PXT1: variants seen among roughly 807,000 people sequenced by gnomAD.
PXT1 encodes peroxisomal testis-specific protein 1.
Under a neutral mutation model 11.0 loss-of-function variants are expected in PXT1, and 11 were observed. That is an observed-to-expected ratio of 1.00 (90% CI 0.63 to 1.66). The LOEUF (loss-of-function observed/expected upper bound fraction) is 1.66, where lower values mean the gene tolerates loss of function less well. Among genes scored for constraint, PXT1 ranks in the 40% most tolerant of loss-of-function variants. The probability of loss-of-function intolerance (pLI) is 0.00; values close to 1 mark genes in which losing one functional copy is unlikely to be tolerated. For missense variants in PXT1, 141 were observed against 155.5 expected (o/e 0.91, Z 0.49); for synonymous variants, 43 against 51.4 (o/e 0.84, Z 0.70).
At chr6:36,425,615 T>C (rs1490342391) in intron 3 of PXT1, among the ~76,000 whole-genome samples, 1 of 151,776 alleles carries the variant, frequency 6.6e-6, no homozygotes, top group Admixed American at 6.6e-5. Context: ...TGAAACCCCC[T>C]CTCTACTAAA....
rs1774599313 is a variant in PXT1 at position 36,425,937 on chromosome 6, A to G, written c.146T>C (p.Val49Ala). 6.5e-7 allele frequency: 1 copy of G among 1,535,106 alleles called. No homozygotes were observed. The highest frequency in any genetic ancestry group is 8.7e-7 in the Non-Finnish European group (1 of 1,146,324). The stretch of plus-strand genomic sequence containing the variant: ...ACCTGGGTTCCTTGACATGGCTGGA[A>G]CTGGCTGGGAGCTGACAAGTTGGGT... ...YMTQLVSSQPVPAMSRNPDHN... is the reference protein window; with the variant it reads ...YMTQLVSSQPAPAMSRNPDHN... Residue 49 changes from valine to alanine, a missense_variant, in exon 3 of 5, where the codon GTT (valine) becomes GCT (alanine). Physicochemically the swap from Val to Ala is moderately conservative, Grantham distance 64. Transcript: ENST00000454782.
At chr6:36,411,085 A>G (rs1399457744) in intron 3 of PXT1, among the ~76,000 whole-genome samples, 3 of 152,346 alleles carry the variant, frequency 2.0e-5, no homozygotes, top group Middle Eastern at 3.4e-3. Context: ...ATATTTCAAC[A>G]GCATTATTTA....
intron 3 of PXT1, among the ~76,000 whole-genome samples, chr6:36,410,034 G>A (rs1401761013): frequency 6.6e-6 from 1 of 151,566 alleles, no homozygotes; most frequent in Non-Finnish European, 1.5e-5. Context: ...AAGGAAGGGA[G>A]GGTGGCTGGG....
chr6:36,410,835 T>C (rs1774362701), intron 3 of PXT1, among the ~76,000 whole-genome samples: 1 of 152,112 alleles, frequency 6.6e-6, no homozygotes, highest in African/African-American at 2.4e-5. Context: ...GAGTCTCCAT[T>C]TGGGAGAGTC....
Position 36,391,763 on chromosome 6 carries a change from T to C in PXT1, c.*7A>G. 1.3e-6 allele frequency: 2 copies of C among 1,595,330 alleles called. No homozygotes were observed. The highest frequency in any genetic ancestry group is 8.6e-7 in the Non-Finnish European group (1 of 1,163,440). On this transcript the variant is annotated 3_prime_UTR_variant, in exon 5 of 5. Transcript: ENST00000454782. Reference sequence around the variant, plus strand: ...CAGAACTTGACCACTTGACCTTTACTTTCCTTTTACAGCAAATGGTTGTTC... The same window carrying C: ...CAGAACTTGACCACTTGACCTTTACCTTCCTTTTACAGCAAATGGTTGTTC...
intron 3 of PXT1, among the ~76,000 whole-genome samples, chr6:36,410,574 G>C (rs1404651043): frequency 6.6e-6 from 1 of 151,138 alleles, no homozygotes; most frequent in Non-Finnish European, 1.5e-5. Flanking sequence ...AGAGAAGAAA[G>C]GAAGAAATAA....
intron 2 of PXT1, among the ~76,000 whole-genome samples, chr6:36,437,072 G>A (rs911733496): frequency 1.3e-5 from 2 of 152,104 alleles, no homozygotes; most frequent in African/African-American, 4.8e-5. Context: ...GATCACTTGA[G>A]GTTAGGAGTT....
chr6:36,433,281 AC>A (rs1446530154), intron 2 of PXT1, among the ~76,000 whole-genome samples: 1 of 152,220 alleles, frequency 6.6e-6, no homozygotes, highest in Non-Finnish European at 1.5e-5. Context: ...AAGAAGAAAC[AC>A]TATAAGAATA....
At position 36,426,811 on chromosome 6, in the gene PXT1, C is replaced by T. The variant is rs1211361909; in HGVS notation, c.-9-720G>A. Among the ~76,000 whole-genome samples the T allele has an allele frequency of 4.2e-5, 6 of 142,172 alleles. No homozygotes were observed. The East Asian group carries it at 1.1e-3, about 25-fold the overall frequency. 93.3% of individuals were successfully genotyped at this position (142,172 alleles called of 152,430 possible). On this transcript the variant is annotated intron_variant, in intron 2 of 4. Transcript: ENST00000454782. ...AGAGGGGTGGAGATGGAATACAACA[C>T]ACTCTTTGTCCTATTTCCTCATGTG... is the stretch of plus-strand genomic sequence containing the variant.
rs571575136 is a variant in PXT1 at position 36,396,813 on chromosome 6, C to T, written c.300+3641G>A. Among the ~76,000 whole-genome samples, 3 of 152,312 alleles carry T rather than the reference C, an allele frequency of 2.0e-5. No homozygotes were observed. In the South Asian group the frequency reaches 6.2e-4, roughly 32 times the overall value. On this transcript the variant is annotated intron_variant, in intron 4 of 4. Transcript: ENST00000454782. ...AATGATCAGCTGCAGAGAGGAGCTA[C>T]CCTCCCTGCTGATAGCTGGAGATGA... is the stretch of plus-strand genomic sequence containing the variant.
chr6:36,395,756 T>A (rs893827393), intron 4 of PXT1, among the ~76,000 whole-genome samples: 2 of 152,056 alleles, frequency 1.3e-5, no homozygotes, highest in Non-Finnish European at 2.9e-5. Flanking sequence ...TCCTAGCACT[T>A]TGGGAGGCCG....
At chr6:36,440,439 G>A (rs1248585594) in intron 1 of PXT1, among the ~76,000 whole-genome samples, 3 of 151,782 alleles carry the variant, frequency 2.0e-5, no homozygotes, top group Admixed American at 1.3e-4. Flanking sequence ...GCACAGTGGC[G>A]GGCGCCTGTA....
intron 4 of PXT1, among the ~76,000 whole-genome samples, chr6:36,395,937 A>C (rs975903584): frequency 2.6e-5 from 4 of 152,146 alleles, no homozygotes; most frequent in African/African-American, 9.7e-5. Context: ...TGGGAAGTTG[A>C]GGCTGCAGTG....
At chr6:36,438,457 T>G (rs1420510752) in intron 2 of PXT1, among the ~76,000 whole-genome samples, 7 of 152,190 alleles carry the variant, frequency 4.6e-5, no homozygotes, top group Non-Finnish European at 8.8e-5. Flanking sequence ...TGAGTCTCGC[T>G]CTGTCGCCCA....
chr6:36,394,459 C>A (rs906241099), intron 4 of PXT1, among the ~76,000 whole-genome samples: 3 of 152,082 alleles, frequency 2.0e-5, no homozygotes, highest in African/African-American at 7.2e-5. Flanking sequence ...AAACAGATGG[C>A]ACACCCAAAT....
chr6:36,401,747 T>C (rs1296528249), intron 3 of PXT1, among the ~76,000 whole-genome samples: 2 of 151,702 alleles, frequency 1.3e-5, no homozygotes, highest in Non-Finnish European at 2.9e-5. Flanking sequence ...TAAAATTCAG[T>C]TCCTCAATTG....
In PXT1 at chr6:36,412,830, T is replaced by G. The variant is rs908865788; in HGVS notation, c.170-12246A>C. Among the ~76,000 whole-genome samples, 5 of 147,898 alleles carry G rather than the reference T, an allele frequency of 3.4e-5. No individual in the cohort carries two copies. In the East Asian group the frequency reaches 1.0e-3, roughly 30 times the overall value. ...AGAGAATGCTATGAAAAAAGAAAAA[T>G]CCTAGAACAAAATCTTTCAGATTTA... On this transcript the variant is annotated intron_variant, in intron 3 of 4. Coordinates refer to ENST00000454782, the MANE Select transcript of PXT1 (RefSeq NM_152990.4).
intron 4 of PXT1, among the ~76,000 whole-genome samples, chr6:36,399,416 G>A (rs1356689320): frequency 6.6e-6 from 1 of 152,178 alleles, no homozygotes; most frequent in Non-Finnish European, 1.5e-5. Flanking sequence ...CAAAGTGCTG[G>A]GATTACAGGC....
At chr6:36,392,808 C>T (rs556798679) in intron 4 of PXT1, among the ~76,000 whole-genome samples, 23 of 152,226 alleles carry the variant, frequency 1.5e-4, no homozygotes, top group African/African-American at 5.3e-4. Flanking sequence ...AATGCTCCCC[C>T]GCCTGCCCCC....
Sources: allele counts gnomAD v4.1 joint callset (sites outside exome capture counted in the v4.1 genomes callset), GRCh38; gene constraint gnomAD v4.1.1; transcripts MANE v1.5; gene names NCBI Gene and HGNC (gene_info 2026-07-23, HGNC 2026-07-21).